XPOT: variants seen among roughly 807,000 people sequenced by gnomAD.
XPOT encodes the protein exportin-T.
XPOT carries 34 observed loss-of-function variants against 128.2 expected under a neutral mutation model. That is an observed-to-expected ratio of 0.27 (90% CI 0.20 to 0.35). XPOT has a LOEUF of 0.35. Among genes scored for constraint, XPOT ranks in the 10% least tolerant of loss-of-function variants. XPOT has a pLI of 1.00. For synonymous variants in XPOT, 348 were observed against 394.3 expected (o/e 0.88, Z 1.39); for missense variants, 838 against 1,125.3 (o/e 0.74, Z 3.65).
chr12:64,416,866 A>G (rs1592327303), intron 4 of XPOT, 112 bp downstream of exon 4: 3 of 950,408 alleles, frequency 3.2e-6, no homozygotes, highest in Non-Finnish European at 4.9e-6. Flanking sequence ...TTCACAGTGT[A>G]TATGTTATAT....
intron 6 of XPOT, 124 bp from the exon 7 acceptor site, chr12:64,419,946 A>G (rs1470725219): frequency 8.3e-5 from 64 of 770,088 alleles, no homozygotes; most frequent in Admixed American, 1.8e-4. Context: ...TAGAGCTGGT[A>G]AATAGGAAAT....
At chr12:64,405,030 T>TG (rs2039965452) in intron 1 of XPOT, 1 of 152,192 alleles carries the variant, frequency 6.6e-6, no homozygotes, top group Non-Finnish European at 1.5e-5. Context: ...GGCCGGCGGT[T>TG]GCTTGGTGTT....
intron 2 of XPOT, among the ~76,000 whole-genome samples, chr12:64,412,874 A>G (rs1387435833): frequency 1.3e-5 from 2 of 152,280 alleles, no homozygotes; most frequent in Middle Eastern, 3.4e-3. Context: ...TGAAGGATCC[A>G]CCTCATGAGC....
chr12:64,419,156 A>G (rs1174249764), intron 6 of XPOT, 62 bp downstream of exon 6: 11 of 1,376,040 alleles, frequency 8.0e-6, no homozygotes, highest in East Asian at 4.6e-5. Flanking sequence ...TAATGGGCAC[A>G]TAATAAAAAG....
chr12:64,408,664 A>T (rs528161635), intron 1 of XPOT, among the ~76,000 whole-genome samples: 2 of 151,242 alleles, frequency 1.3e-5, no homozygotes, highest in African/African-American at 4.9e-5. Context: ...TCATTTGTGG[A>T]TTTTTTTTTG....
intron 9 of XPOT, 149 bp downstream of exon 9, chr12:64,421,620 TAA>T: frequency 1.9e-6 from 1 of 525,304 alleles, no homozygotes; most frequent in Non-Finnish European, 3.3e-6. Flanking sequence ...ATTTCCATCT[TAA>T]AAAAAAAAGA....
chr12:64,430,014 AAT>A, intron 16 of XPOT, 33 bp from the exon 17 acceptor site: 1 of 1,514,818 alleles, frequency 6.6e-7, no homozygotes, highest in Non-Finnish European at 8.8e-7. Flanking sequence ...GAACTCAAAA[AAT>A]AAAAGCTTTA....
intron 2 of XPOT, among the ~76,000 whole-genome samples, chr12:64,413,854 CT>C (rs2136013796): frequency 6.6e-6 from 1 of 152,272 alleles, no homozygotes; most frequent in African/African-American, 2.4e-5. Flanking sequence ...CTAATATTCT[CT>C]ATTTCATTTT....
At chr12:64,420,610 C>T in intron 8 of XPOT, 89 bp downstream of exon 8, 2 of 1,038,770 alleles carry the variant, frequency 1.9e-6, no homozygotes, top group Non-Finnish European at 2.8e-6. Context: ...AGCTTTTTTT[C>T]TTCTAAATGT....
At chr12:64,441,711 G>A (rs2040326197) in intron 23 of XPOT, among the ~76,000 whole-genome samples, 1 of 152,026 alleles carries the variant, frequency 6.6e-6, no homozygotes, top group African/African-American at 2.4e-5. Flanking sequence ...TTGAGATGGA[G>A]TCTCGCTTTA....
rs2040109640 is a variant in XPOT at position 64,418,663 on chromosome 12, T to G, written c.271-213T>G. Among the ~76,000 whole-genome samples, 3 of 152,228 alleles carry G rather than the reference T, an allele frequency of 2.0e-5. No individual in the cohort carries two copies. In the South Asian group the frequency reaches 6.2e-4, roughly 32 times the overall value. On this transcript the variant is annotated intron_variant, in intron 5 of 24. Coordinates refer to ENST00000332707, the MANE Select transcript of XPOT (RefSeq NM_007235.6). ...AATAATCATTACAGCCTTTAATGGT[T>G]CATTTAATTGTTCTTCATCTGGTCA... is the stretch of plus-strand genomic sequence containing the variant.
chr12:64,412,303 G>A (rs887770594), intron 2 of XPOT, among the ~76,000 whole-genome samples: 6 of 151,970 alleles, frequency 3.9e-5, no homozygotes, highest in Non-Finnish European at 7.4e-5. Flanking sequence ...GGGATTACAG[G>A]CATGACTCAC....
intron 16 of XPOT, among the ~76,000 whole-genome samples, chr12:64,429,607 A>G (rs1425218489): frequency 6.6e-6 from 1 of 151,836 alleles, no homozygotes; most frequent in Non-Finnish European, 1.5e-5. Flanking sequence ...CACCCAGCTA[A>G]TTTTTGTATT....
In XPOT at chr12:64,420,176, C is replaced by T. The variant is rs2040125315; in HGVS notation, c.596C>T (p.Ser199Phe). The T allele has an allele frequency of 6.2e-7, 1 of 1,613,110 alleles. No homozygotes were observed. The highest frequency in any genetic ancestry group is 8.5e-7 in the Non-Finnish European group (1 of 1,179,620). ...TTACAAAATTATCAGTTTACTAATT[C>T]TGAAGTGACGTGTCAGTGCCTTGAA... Reference protein sequence around the residue: ...QILQNYQFTNSEVTCQCLEVV... With the variant: ...QILQNYQFTNFEVTCQCLEVV... Residue 199 changes from serine to phenylalanine, a missense_variant, in exon 7 of 25, where the codon TCT (serine) becomes TTT (phenylalanine). Coordinates refer to ENST00000332707, the MANE Select transcript of XPOT (RefSeq NM_007235.6).
intron 14 of XPOT, 125 bp downstream of exon 14, chr12:64,425,582 C>G: frequency 8.0e-7 from 1 of 1,251,586 alleles, no homozygotes. Context: ...TTGGCACACA[C>G]TGAAAGTAAC....
chr12:64,419,906 G>A (rs1021412204), intron 6 of XPOT, among the ~76,000 whole-genome samples, 164 bp from the exon 7 acceptor site: 26 of 152,152 alleles, frequency 1.7e-4, no homozygotes, highest in Non-Finnish European at 5.9e-5. Flanking sequence ...AACAGAAAGA[G>A]GAAATACAAA....
intron 1 of XPOT, 69 bp from the exon 2 acceptor site, chr12:64,409,893 C>T (rs766212444): frequency 1.1e-5 from 7 of 647,546 alleles, no homozygotes; most frequent in South Asian, 3.9e-5. Flanking sequence ...TATCCATTTA[C>T]GTTATTCAGG....
At chr12:64,429,543 A>C (rs1186961457) in intron 16 of XPOT, among the ~76,000 whole-genome samples, 1 of 151,924 alleles carries the variant, frequency 6.6e-6, no homozygotes, top group Non-Finnish European at 1.5e-5. Flanking sequence ...CTCAGGTTCA[A>C]GCAGTTCTCC....
At chr12:64,421,630 A>AT (rs1175917269) in intron 9 of XPOT, among the ~76,000 whole-genome samples, 159 bp downstream of exon 9, 31 of 152,128 alleles carry the variant, frequency 2.0e-4, no homozygotes, top group Non-Finnish European at 5.9e-5. Context: ...TAAAAAAAAA[A>AT]GAATTGGCCA....
Sources: gnomAD v4.1 joint callset for allele counts (sites outside exome capture counted in the v4.1 genomes callset) on GRCh38, gnomAD v4.1.1 for gene constraint, MANE v1.5 for transcripts, NCBI Gene and HGNC (gene_info 2026-07-23, HGNC 2026-07-21) for gene names.